Variants in OR2C1 observed in about 807,000 individuals in gnomAD.
The protein encoded by OR2C1 is olfactory receptor family 2 subfamily C member 1.
For missense variants in OR2C1, 468 were observed against 388.3 expected, an observed-to-expected ratio of 1.21 and a Z score of -1.73; for synonymous variants, 209 against 167.3, an observed-to-expected ratio of 1.25 and a Z score of -1.92.
chr16:3,346,365 A>T, the OR2C1 span, among the ~76,000 whole-genome samples: 1 of 152,268 alleles, frequency 6.6e-6, no homozygotes, highest in East Asian at 1.9e-4. Context: ...GCAAAGTACA[A>T]AGTCTAGAGG....
At chr16:3,350,566 C>T in the OR2C1 span, among the ~76,000 whole-genome samples, 9 of 151,564 alleles carry the variant, frequency 5.9e-5, no homozygotes, top group East Asian at 1.6e-3. Flanking sequence ...CGCCTGCCTC[C>T]GTGCCCGGCT....
the OR2C1 span, among the ~76,000 whole-genome samples, chr16:3,332,843 A>C: frequency 6.6e-6 from 1 of 152,068 alleles, no homozygotes; most frequent in South Asian, 2.1e-4. Flanking sequence ...AAACATGGGA[A>C]CTCAGATATC....
At chr16:3,332,696 T>C in the OR2C1 span, among the ~76,000 whole-genome samples, 3 of 146,474 alleles carry the variant, frequency 2.0e-5, no homozygotes, top group East Asian at 4.1e-4. Flanking sequence ...TTCTTTTTTA[T>C]GGCTGAATAA....
chr16:3,344,878 T>C, the OR2C1 span, among the ~76,000 whole-genome samples: 4 of 152,126 alleles, frequency 2.6e-5, no homozygotes, highest in African/African-American at 9.7e-5. Flanking sequence ...TTATTCAGCA[T>C]TGTCAATTAT....
chr16:3,327,633 C>T, the OR2C1 span, among the ~76,000 whole-genome samples: 1 of 151,048 alleles, frequency 6.6e-6, no homozygotes, highest in Non-Finnish European at 1.5e-5. Context: ...ATCCCTGGAG[C>T]AAGTTATTAC....
chr16:3,327,332 C>G, the OR2C1 span, among the ~76,000 whole-genome samples: 2 of 152,000 alleles, frequency 1.3e-5, no homozygotes, highest in African/African-American at 4.8e-5. Flanking sequence ...TTAAATAGTT[C>G]AGTTTGTAAG....
the OR2C1 span, among the ~76,000 whole-genome samples, chr16:3,330,828 A>G: frequency 6.6e-6 from 1 of 152,026 alleles, no homozygotes; most frequent in Non-Finnish European, 1.5e-5. Context: ...TGCCATTTCA[A>G]ATTCCTGGGC....
the OR2C1 span, among the ~76,000 whole-genome samples, chr16:3,338,878 T>G: frequency 6.6e-6 from 1 of 152,150 alleles, no homozygotes; most frequent in Non-Finnish European, 1.5e-5. Flanking sequence ...TAAAATAAAA[T>G]TAACCATTTT....
At chr16:3,349,952 C>T in the OR2C1 span, among the ~76,000 whole-genome samples, 4 of 150,918 alleles carry the variant, frequency 2.7e-5, no homozygotes, top group African/African-American at 4.9e-5. Flanking sequence ...GAAAGGTTGG[C>T]GGTGACATGG....
the OR2C1 span, among the ~76,000 whole-genome samples, chr16:3,350,400 GT>G: frequency 4.7e-5 from 7 of 147,718 alleles, no homozygotes; most frequent in Admixed American, 4.7e-4. Flanking sequence ...TGGTTTTTTT[GT>G]TTTTTTGTTT....
the OR2C1 span, among the ~76,000 whole-genome samples, chr16:3,334,379 G>A: frequency 2.0e-4 from 30 of 151,102 alleles, no homozygotes; most frequent in Non-Finnish European, 3.2e-4. Context: ...CTTGTGATCC[G>A]CCTGCCTCGG....
At chr16:3,324,506 A>G in the OR2C1 span, among the ~76,000 whole-genome samples, 1 of 152,242 alleles carries the variant, frequency 6.6e-6, no homozygotes, top group Non-Finnish European at 1.5e-5. Flanking sequence ...CATCAGCCTC[A>G]TGTTCTGGGA....
At chr16:3,338,336 C>T in the OR2C1 span, among the ~76,000 whole-genome samples, 1 of 152,120 alleles carries the variant, frequency 6.6e-6, no homozygotes, top group Non-Finnish European at 1.5e-5. Context: ...GACAGGTCTC[C>T]TGCCAGGTGA....
At chr16:3,352,775 CT>C (rs1249358775), upstream of OR2C1, among the ~76,000 whole-genome samples, 2 of 134,746 alleles carry the variant, frequency 1.5e-5, no homozygotes, top group Non-Finnish European at 3.1e-5. Context: ...GAGTTTCACT[CT>C]TGTTGCCCAG....
chr16:3,327,979 T>C, the OR2C1 span, among the ~76,000 whole-genome samples: 1 of 152,204 alleles, frequency 6.6e-6, no homozygotes, highest in African/African-American at 2.4e-5. Context: ...CCCATTTGGG[T>C]AACTTCTAAG....
the OR2C1 span, among the ~76,000 whole-genome samples, chr16:3,333,808 C>T: frequency 6.6e-6 from 1 of 152,122 alleles, no homozygotes; most frequent in Non-Finnish European, 1.5e-5. Context: ...ATGATTTCTT[C>T]TAGTAATTTC....
upstream of OR2C1, among the ~76,000 whole-genome samples, chr16:3,352,615 T>G (rs1290690691): frequency 2.0e-5 from 3 of 152,130 alleles, no homozygotes; most frequent in Non-Finnish European, 4.4e-5. Context: ...CCATTTCTAG[T>G]TCTTGAATTC....
upstream of OR2C1, among the ~76,000 whole-genome samples, chr16:3,352,971 G>A (rs887067487): frequency 1.3e-4 from 20 of 150,872 alleles, no homozygotes; most frequent in African/African-American, 3.6e-4. Flanking sequence ...TCGAACTCCC[G>A]ACCTCAAGTG....
chr16:3,336,914 G>T, the OR2C1 span, among the ~76,000 whole-genome samples: 25 of 150,566 alleles, frequency 1.7e-4, no homozygotes, highest in African/African-American at 5.6e-4. Flanking sequence ...CTATATGTTG[G>T]TCAGGCTGGT....
Sources: allele counts gnomAD v4.1 joint callset (sites outside exome capture counted in the v4.1 genomes callset), GRCh38; gene constraint gnomAD v4.1.1; transcripts MANE v1.5; gene names NCBI Gene and HGNC (gene_info 2026-07-23, HGNC 2026-07-21).